The following STX8 variants were observed in gnomAD, a reference collection of about 807,000 sequenced individuals.
The protein encoded by STX8 is syntaxin-8.
Under a neutral mutation model 37.5 loss-of-function variants are expected in STX8, and 23 were observed. That is an observed-to-expected ratio of 0.61 (90% CI 0.44 to 0.87). STX8 has a LOEUF of 0.87. Ranked by LOEUF, STX8 falls within the 40% of genes least tolerant of loss-of-function variation. The pLI is 0.00. For missense variants in STX8, 313 were observed against 284.7 expected (o/e 1.10, Z -0.71); for synonymous variants, 115 against 99.1 (o/e 1.16, Z -0.95).
intron 6 of STX8, among the ~76,000 whole-genome samples, chr17:9,480,089 T>C (rs1327091210): frequency 6.6e-6 from 1 of 152,190 alleles, no homozygotes; most frequent in Non-Finnish European, 1.5e-5. Flanking sequence ...AGTTCTTCTG[T>C]TTCACATTCG....
intron 6 of STX8, among the ~76,000 whole-genome samples, chr17:9,442,167 G>A (rs1904687625): frequency 1.3e-5 from 2 of 152,152 alleles, no homozygotes; most frequent in South Asian, 4.1e-4. Flanking sequence ...TGGCAGTCAA[G>A]GCCATTGTCA....
intron 4 of STX8, among the ~76,000 whole-genome samples, chr17:9,520,292 A>G (rs1905297338): frequency 6.6e-6 from 1 of 152,234 alleles, no homozygotes; most frequent in South Asian, 2.1e-4. Flanking sequence ...TTCAGCAGCA[A>G]AGACTGATAC....
intron 3 of STX8, among the ~76,000 whole-genome samples, chr17:9,549,845 T>C (rs756864249): frequency 2.6e-5 from 4 of 152,082 alleles, no homozygotes; most frequent in Admixed American, 2.0e-4. Flanking sequence ...CTATACAGCA[T>C]GTATGTGGAC....
chr17:9,527,414 A>C (rs1032791105), intron 4 of STX8, among the ~76,000 whole-genome samples: 1 of 151,932 alleles, frequency 6.6e-6, no homozygotes, highest in African/African-American at 2.4e-5. Context: ...ACTGCACTCC[A>C]GCCTGGGTGA....
chr17:9,421,321 G>A (rs920764993), intron 6 of STX8, among the ~76,000 whole-genome samples: 1 of 149,396 alleles, frequency 6.7e-6, no homozygotes, highest in African/African-American at 2.5e-5. Context: ...GAACCCGCGA[G>A]GCAGAGGTTG....
chr17:9,451,548 G>A (rs1013384147), intron 6 of STX8, among the ~76,000 whole-genome samples: 1 of 152,090 alleles, frequency 6.6e-6, no homozygotes, highest in Non-Finnish European at 1.5e-5. Flanking sequence ...TTTGCATTCA[G>A]TAAAAGTTCC....
chr17:9,568,722 G>A (rs950261178), intron 1 of STX8, among the ~76,000 whole-genome samples: 6 of 152,116 alleles, frequency 3.9e-5, no homozygotes, highest in Non-Finnish European at 8.8e-5. Flanking sequence ...AGATGGTCTC[G>A]ATCTCCTGAC....
intron 4 of STX8, among the ~76,000 whole-genome samples, chr17:9,515,820 A>G (rs1905143182): frequency 1.3e-5 from 2 of 152,200 alleles, no homozygotes; most frequent in Non-Finnish European, 2.9e-5. Context: ...CACTGTGCCC[A>G]GCTGGAAGCC....
chr17:9,524,776 GTTTT>G (rs1567597120), intron 4 of STX8, among the ~76,000 whole-genome samples: 1 of 120,488 alleles, frequency 8.3e-6, no homozygotes, highest in Admixed American at 8.2e-5. Flanking sequence ...GTTTTGTTTT[GTTTT>G]GTTTTTGTTT....
intron 6 of STX8, among the ~76,000 whole-genome samples, chr17:9,421,458 C>A (rs1418125913): frequency 1.4e-5 from 2 of 144,306 alleles, no homozygotes; most frequent in Non-Finnish European, 3.0e-5. Flanking sequence ...AGCAGGCATG[C>A]CTTCTCTTGC....
intron 6 of STX8, among the ~76,000 whole-genome samples, chr17:9,382,612 A>G (rs1008972143): frequency 2.0e-5 from 3 of 152,170 alleles, no homozygotes; most frequent in African/African-American, 7.2e-5. Context: ...TGACACAACT[A>G]TATACTTTGC....
intron 6 of STX8, among the ~76,000 whole-genome samples, chr17:9,402,732 CT>C (rs1454564481): frequency 1.3e-5 from 2 of 152,044 alleles, no homozygotes; most frequent in East Asian, 3.9e-4. Flanking sequence ...TGGCTGAACT[CT>C]AAGAATTCCT....
At chr17:9,357,940 A>C (rs916924745) in intron 7 of STX8, among the ~76,000 whole-genome samples, 7 of 152,188 alleles carry the variant, frequency 4.6e-5, no homozygotes, top group African/African-American at 1.7e-4. Context: ...AGTGCACAAC[A>C]GCCCTCTCTG....
chr17:9,444,567 A>C (rs192087724), intron 6 of STX8, among the ~76,000 whole-genome samples: 1 of 152,358 alleles, frequency 6.6e-6, no homozygotes, highest in African/African-American at 2.4e-5. Context: ...AGCTTGGAGA[A>C]GTCAGCTAAA....
intron 4 of STX8, among the ~76,000 whole-genome samples, chr17:9,522,542 A>AT (rs1905392319): frequency 2.8e-4 from 1 of 3,570 alleles, no homozygotes; most frequent in African/African-American, 5.2e-4. Context: ...CTAAAAATCC[A>AT]AAAAAAAAAA....
intron 6 of STX8, among the ~76,000 whole-genome samples, chr17:9,434,999 C>T (rs1322146963): frequency 1.3e-5 from 2 of 152,152 alleles, no homozygotes; most frequent in Non-Finnish European, 2.9e-5. Context: ...CTTTCATCAC[C>T]ATTTGCTGGT....
intron 7 of STX8, among the ~76,000 whole-genome samples, chr17:9,287,337 C>T (rs535832791): frequency 2.0e-5 from 3 of 152,256 alleles, no homozygotes; most frequent in South Asian, 4.1e-4. Context: ...CTGCCACCAC[C>T]GCACACAATC....
chr17:9,512,925 T>C (rs1294775868), intron 4 of STX8, among the ~76,000 whole-genome samples: 5 of 151,962 alleles, frequency 3.3e-5, no homozygotes, highest in Admixed American at 1.3e-4. Context: ...ACCATAAAAG[T>C]ACCAGGCAAA....
chr17:9,561,994 A>C (rs1474140094), intron 2 of STX8, among the ~76,000 whole-genome samples: 1 of 152,152 alleles, frequency 6.6e-6, no homozygotes, highest in East Asian at 1.9e-4. Context: ...AGATGAAACC[A>C]TATATTTAAT....
Sources: allele counts gnomAD v4.1 joint callset (sites outside exome capture counted in the v4.1 genomes callset), GRCh38; gene constraint gnomAD v4.1.1; transcripts MANE v1.5; gene names NCBI Gene and HGNC (gene_info 2026-07-23, HGNC 2026-07-21).